PLEKHH2: variants seen among roughly 807,000 people sequenced by gnomAD.
The protein encoded by PLEKHH2 is pleckstrin homology domain-containing family H member 2.
PLEKHH2 carries 129 observed loss-of-function variants against 187.9 expected under a neutral mutation model. The ratio of observed to expected loss-of-function variants is 0.69; its 90% CI spans 0.59 to 0.79. The LOEUF (loss-of-function observed/expected upper bound fraction) is 0.79, where lower values mean the gene tolerates loss of function less well. Among genes scored for constraint, PLEKHH2 ranks in the 30% least tolerant of loss-of-function variants. The pLI is 0.00. For synonymous variants in PLEKHH2, 686 were observed against 605.6 expected (o/e 1.13, Z -1.95); for missense variants, 2,076 against 1,751.2 (o/e 1.19, Z -3.31).
At chr2:43,639,627 T>C (rs1427817294) in intron 1 of PLEKHH2, among the ~76,000 whole-genome samples, 2 of 151,254 alleles carry the variant, frequency 1.3e-5, no homozygotes, top group African/African-American at 2.4e-5. Context: ...GGCCGAATAA[T>C]ATTCCATTGT....
chr2:43,708,680 C>T (rs1345209145), intron 11 of PLEKHH2, among the ~76,000 whole-genome samples: 1 of 152,194 alleles, frequency 6.6e-6, no homozygotes, highest in Non-Finnish European at 1.5e-5. Flanking sequence ...GTTGTTTGCT[C>T]TATCCCTAGC....
chr2:43,757,683 G>C (rs1188497640), intron 26 of PLEKHH2, among the ~76,000 whole-genome samples: 1 of 152,014 alleles, frequency 6.6e-6, no homozygotes, highest in South Asian at 2.1e-4. Flanking sequence ...CTCCCAAAGT[G>C]CTGGGATTAG....
chr2:43,726,178 C>A, intron 16 of PLEKHH2, 94 bp from the exon 17 acceptor site: 4 of 829,640 alleles, frequency 4.8e-6, no homozygotes, highest in South Asian at 4.6e-5. Context: ...TAAAGGTATG[C>A]TTTATAAATT....
At chr2:43,680,844 G>T (rs548745491) in intron 3 of PLEKHH2, 19 of 484,426 alleles carry the variant, frequency 3.9e-5, no homozygotes, top group Non-Finnish European at 6.1e-5. Flanking sequence ...TGACTTATTT[G>T]ATTTCTTGTT....
chr2:43,679,874 G>T (rs1254565451), intron 3 of PLEKHH2, among the ~76,000 whole-genome samples: 1 of 152,104 alleles, frequency 6.6e-6, no homozygotes, highest in Non-Finnish European at 1.5e-5. Context: ...GTCTCACTAT[G>T]TTGTCCAGGA....
chr2:43,741,274 T>C (rs1671549454), intron 21 of PLEKHH2: 2 of 319,728 alleles, frequency 6.3e-6, no homozygotes, highest in Non-Finnish European at 1.1e-5. Context: ...ACAGAGAATA[T>C]TTTTAAGTGA....
At chr2:43,701,025 A>G (rs936512274) in intron 8 of PLEKHH2, among the ~76,000 whole-genome samples, 2 of 152,062 alleles carry the variant, frequency 1.3e-5, no homozygotes, top group African/African-American at 4.8e-5. Context: ...CTCTTCCCTC[A>G]CTGAGTTCTG....
intron 4 of PLEKHH2, among the ~76,000 whole-genome samples, 161 bp from the exon 5 acceptor site, chr2:43,694,270 C>G (rs1171230662): frequency 6.6e-6 from 1 of 152,078 alleles, no homozygotes; most frequent in African/African-American, 2.4e-5. Context: ...ATTGTATCTA[C>G]CGAATAATTT....
chr2:43,761,445 C>G (rs528015589), intron 27 of PLEKHH2, among the ~76,000 whole-genome samples: 7 of 135,450 alleles, frequency 5.2e-5, no homozygotes, highest in African/African-American at 2.0e-4. Flanking sequence ...AAGTCTCACT[C>G]TGTCACACAG....
At chr2:43,734,378 G>A (rs1671191422) in intron 19 of PLEKHH2, among the ~76,000 whole-genome samples, 1 of 152,254 alleles carries the variant, frequency 6.6e-6, no homozygotes, top group Non-Finnish European at 1.5e-5. Flanking sequence ...ATCATTTAAA[G>A]AATATTAAAT....
At chr2:43,712,662 CAT>C (rs1301691932) in intron 15 of PLEKHH2, among the ~76,000 whole-genome samples, 5 of 152,054 alleles carry the variant, frequency 3.3e-5, no homozygotes, top group South Asian at 2.1e-4. Context: ...GTATTTGAAA[CAT>C]GTGAAAACTG....
intron 3 of PLEKHH2, among the ~76,000 whole-genome samples, chr2:43,683,301 A>T (rs946627252): frequency 2.6e-5 from 4 of 151,814 alleles, no homozygotes; most frequent in Non-Finnish European, 5.9e-5. Flanking sequence ...ATCCACGCCT[A>T]GCTCATTTTG....
intron 27 of PLEKHH2, among the ~76,000 whole-genome samples, chr2:43,761,376 T>C (rs574229413): frequency 6.6e-6 from 1 of 151,842 alleles, no homozygotes; most frequent in East Asian, 1.9e-4. Context: ...TTTCATAGCT[T>C]TTTTTTTCTA....
At chr2:43,744,262 T>C (rs1671686382) in intron 23 of PLEKHH2, 1 of 561,630 alleles carries the variant, frequency 1.8e-6, no homozygotes, top group Non-Finnish European at 2.5e-6. Context: ...TAAGGGTAGA[T>C]ATGTAGAAGT....
At chr2:43,692,017 C>G (rs953278700) in intron 3 of PLEKHH2, among the ~76,000 whole-genome samples, 2 of 152,062 alleles carry the variant, frequency 1.3e-5, no homozygotes, top group Non-Finnish European at 2.9e-5. Context: ...TTTTATGATT[C>G]CATCATTTGG....
Position 43,741,030 on chromosome 2 carries a change from A to T in PLEKHH2, c.3208A>T (p.Asn1070Tyr). The change falls in exon 21 of 30, where the codon AAT becomes TAT. Residue 1070 changes from asparagine to tyrosine, a missense_variant. By Grantham distance (143) the Asn-to-Tyr change is moderately radical. Coordinates refer to ENST00000282406, the MANE Select transcript of PLEKHH2 (RefSeq NM_172069.4). ...LWLLRLHLKRNADSRTEFGKY... is the reference protein window; with the variant it reads ...LWLLRLHLKRYADSRTEFGKY... ...GCTCCTCAGGCTTCACCTAAAGAGG[A>T]ATGCAGATTCCAGGTGTGCAGAATA... 6.2e-7 allele frequency: 1 copy of T among 1,612,734 alleles called. No individual in the cohort carries two copies. Among genetic ancestry groups the T allele is most frequent in the Non-Finnish European group, 8.5e-7 (1 of 1,178,892 alleles).
intron 3 of PLEKHH2, among the ~76,000 whole-genome samples, chr2:43,686,363 A>G (rs2104449429): frequency 6.6e-6 from 1 of 152,206 alleles, no homozygotes; most frequent in South Asian, 2.1e-4. Context: ...CACCTGGCTA[A>G]TTTTTGTATT....
chr2:43,651,143 C>T (rs1306607999), intron 2 of PLEKHH2, among the ~76,000 whole-genome samples: 2 of 114,912 alleles, frequency 1.7e-5, no homozygotes, highest in African/African-American at 7.5e-5. Flanking sequence ...GAGTTAAAAT[C>T]TTTTCATTCA....
chr2:43,764,954 C>T (rs1007403641), intron 29 of PLEKHH2, among the ~76,000 whole-genome samples: 1 of 152,214 alleles, frequency 6.6e-6, no homozygotes, highest in African/African-American at 2.4e-5. Flanking sequence ...GAAATTACTT[C>T]TTCGGAATCT....
Sources: gnomAD v4.1 joint callset for allele counts (sites outside exome capture counted in the v4.1 genomes callset) on GRCh38, gnomAD v4.1.1 for gene constraint, MANE v1.5 for transcripts, NCBI Gene and HGNC (gene_info 2026-07-23, HGNC 2026-07-21) for gene names.